The following MYL3 variants were observed in gnomAD, a reference collection of about 807,000 sequenced individuals.
MYL3 encodes the protein myosin light chain 3.
A neutral mutation model predicts 21.3 loss-of-function variants in MYL3; 11 were observed. The ratio of observed to expected loss-of-function variants is 0.52; its 90% confidence interval spans 0.32 to 0.85. The LOEUF (loss-of-function observed/expected upper bound fraction) is 0.85, where lower values mean the gene tolerates loss of function less well. Among genes scored for constraint, MYL3 ranks in the 40% least tolerant of loss-of-function variants. The pLI is 0.03. For synonymous variants in MYL3, 88 were observed against 91.6 expected, an observed-to-expected ratio of 0.96 and a Z score of 0.22; for missense variants, 206 against 253.3, an observed-to-expected ratio of 0.81 and a Z score of 1.27.
At chr3:46,868,279 C>T (rs954673239), upstream of MYL3, among the ~76,000 whole-genome samples, 2 of 152,212 alleles carry the variant, frequency 1.3e-5, no homozygotes, top group East Asian at 3.9e-4. Flanking sequence ...CCACCTGTAC[C>T]ATGGCCATGG....
rs1210373907 is a variant in MYL3 at position 46,863,311 on chromosome 3, G to T, written c.80C>A (p.Pro27His). 1 of 1,614,022 alleles carries T rather than the reference G, an allele frequency of 6.2e-7. No individual in the cohort carries two copies. Among genetic ancestry groups the T allele is most frequent in the South Asian group, 1.1e-5 (1 of 91,074 alleles). The change falls in exon 1 of 7, where the codon CCT (proline) becomes CAT (histidine). Residue 27 changes from proline (P) to histidine (H), a missense_variant. Transcript: ENST00000292327. ...GACCTCCTTAGGGCGCTCAGGCTCA[G>T]GGGGAGGTGCGGGAGCTGGAGCTGC... is the stretch of plus-strand genomic sequence containing the variant. Reference protein sequence around the residue: ...PKAAPAPAPPPEPERPKEVEF... With the variant: ...PKAAPAPAPPHEPERPKEVEF...
chr3:46,859,557 G>A lies in MYL3; in HGVS notation c.399C>T (p.Phe133=), dbSNP rs112992334. The change falls in exon 4 of 7, where the codon TTC becomes TTT. Residue 133 remains phenylalanine (F), a synonymous_variant. Transcript: ENST00000292327. This position sits in a 1 kb window ranked among gnomAD's most constrained non-coding sequence, Gnocchi z 4.1. The stretch of plus-strand genomic sequence containing the variant: ...TGTCGAAGACCCGCAGCCCCTCCAC[G>A]AAGTCCTCATAGGTGCCTGTGTCCT... ...KNKDTGTYED[F]VEGLRVFDKE... The A allele has an allele frequency of 2.2e-5, 36 of 1,614,214 alleles. No individual in the cohort carries two copies. Among genetic ancestry groups the A allele is most frequent in the African/African-American group, 2.0e-4 (15 of 75,054 alleles).
intron 1 of MYL3, among the ~76,000 whole-genome samples, chr3:46,875,141 T>C (rs2030141372): frequency 6.6e-6 from 1 of 152,218 alleles, no homozygotes. Flanking sequence ...CATTGAACAC[T>C]GTTGCTGCCT....
rs1360529164 is a variant in MYL3 at position 46,859,887 on chromosome 3, T to C, written c.308-239A>G. On this transcript the variant is annotated intron_variant, in intron 3 of 6. Transcript: ENST00000292327. The surrounding 1 kb of genome is among the most constrained non-coding windows in gnomAD (Gnocchi z 4.1). ...CCCTTTGCTATTCACAAAGGGAGTT[T>C]GCTGCCCTGAGCCACCACGGAGGGC... Among the ~76,000 whole-genome samples, 2 of 152,200 alleles carry C rather than the reference T, an allele frequency of 1.3e-5. No individual in the cohort carries two copies. Among genetic ancestry groups the C allele is most frequent in the African/African-American group, 4.8e-5 (2 of 41,450 alleles).
At chr3:46,873,684 G>A (rs1168250990) in intron 1 of MYL3, among the ~76,000 whole-genome samples, 3 of 152,180 alleles carry the variant, frequency 2.0e-5, no homozygotes, top group Non-Finnish European at 4.4e-5. Context: ...GTACTGGATG[G>A]CCCTGAGTTC....
At position 46,858,410 on chromosome 3, in the gene MYL3, T is replaced by C. The variant is rs1341736280; in HGVS notation, c.533A>G (p.Asp178Gly). Residue 178 changes from aspartate to glycine, a missense_variant, in exon 5 of 7, where the codon GAC (aspartate) becomes GGC (glycine). By Grantham distance (94) the Asp-to-Gly change is moderately conservative (BLOSUM62 -1). Coordinates refer to ENST00000292327, the MANE Select transcript of MYL3 (RefSeq NM_000258.3). ...TTCATAGTTGATGCAGCCATTGGAG[T>C]CCTCTTGCCCAGCCATCAACTTCTC... Reference protein sequence around the residue: ...EVEKLMAGQEDSNGCINYEAF... With the variant: ...EVEKLMAGQEGSNGCINYEAF... 1 of 1,613,666 alleles carries C rather than the reference T, an allele frequency of 6.2e-7. No individual in the cohort carries two copies. The highest frequency in any genetic ancestry group is 1.6e-4 in the Middle Eastern group (1 of 6,062).
At position 46,861,051 on chromosome 3, in the gene MYL3, G is replaced by C; in HGVS notation, c.130-64C>G. On this transcript the variant is annotated intron_variant, in intron 1 of 6. Coordinates refer to ENST00000292327, the MANE Select transcript of MYL3 (RefSeq NM_000258.3). This position sits in a 1 kb window ranked among gnomAD's most constrained non-coding sequence, Gnocchi z 4.2. ...AAGGTGGGGCCACACCTCCTCCTGG[G>C]CACTCGGTGGCCAGCCCAGAATGTC... 6.4e-7 allele frequency: 1 copy of C among 1,567,924 alleles called. No homozygotes were observed. Among genetic ancestry groups the C allele is most frequent in the Non-Finnish European group, 8.8e-7 (1 of 1,138,902 alleles).
Position 46,859,390 on chromosome 3 carries a change from G to A in MYL3, c.481+85C>T, listed in dbSNP as rs1701965613. On this transcript the variant is annotated intron_variant, in intron 4 of 6. Coordinates refer to ENST00000292327, the MANE Select transcript of MYL3 (RefSeq NM_000258.3). The surrounding 1 kb of genome is among the most constrained non-coding windows in gnomAD (Gnocchi z 4.1). The stretch of plus-strand genomic sequence containing the variant: ...ATGTAACTCTCTCCATTTCACCAAT[G>A]GGTCACAGGCCTGGGGGGCAACAGA... 6.5e-7 allele frequency: 1 copy of A among 1,550,300 alleles called. No individual in the cohort carries two copies. Among genetic ancestry groups the A allele is most frequent in the Non-Finnish European group, 8.9e-7 (1 of 1,126,604 alleles).
At chr3:46,864,408 G>A (rs1293019009), upstream of MYL3, among the ~76,000 whole-genome samples, 1 of 152,014 alleles carries the variant, frequency 6.6e-6, no homozygotes, top group Non-Finnish European at 1.5e-5. The surrounding 1 kb of genome is among the most constrained non-coding windows in gnomAD (Gnocchi z 4.7). Flanking sequence ...GCTGGCCCAG[G>A]GACCAGTTTC....
upstream of MYL3, among the ~76,000 whole-genome samples, chr3:46,866,148 GA>G (rs1482229714): frequency 6.6e-6 from 1 of 152,146 alleles, no homozygotes; most frequent in African/African-American, 2.4e-5. Context: ...TTGGCGGTAA[GA>G]ACAGGCCACA....
In MYL3 at chr3:46,882,159, A is replaced by T. The variant is rs1396874767; in HGVS notation, c.-303T>A. 2 of 145,512 alleles carry T rather than the reference A, an allele frequency of 1.4e-5. No homozygotes were observed. The highest frequency in any genetic ancestry group is 2.5e-5 in the African/African-American group (1 of 39,306). 9.0% of individuals were successfully genotyped at this position (145,512 alleles called of 1,614,324 possible). A position where few individuals can be genotyped will look rare whatever the true frequency, so the allele number is the denominator to read the frequency against. On this transcript the variant is annotated 5_prime_UTR_variant, in exon 1 of 4. Coordinates refer to the MYL3 transcript ENST00000431168. The surrounding 1 kb of genome is among the most constrained non-coding windows in gnomAD (Gnocchi z 4.3). ...GGAAGGCTCCTCTCGGCCTCTCCAC[A>T]CTCCCGCGTCGGCGGCTGCGGAGGG... is the stretch of plus-strand genomic sequence containing the variant.
At chr3:46,864,519 C>A (rs1460369561), upstream of MYL3, among the ~76,000 whole-genome samples, 1 of 152,156 alleles carries the variant, frequency 6.6e-6, no homozygotes, top group Admixed American at 6.5e-5. The surrounding 1 kb of genome is among the most constrained non-coding windows in gnomAD (Gnocchi z 4.7). Context: ...CACCCTCTGC[C>A]CAGAGTGCCC....
Position 46,861,392 on chromosome 3 carries a change from A to G in MYL3, c.130-405T>C, listed in dbSNP as rs978317674. On this transcript the variant is annotated intron_variant, in intron 1 of 6. Coordinates refer to ENST00000292327, the MANE Select transcript of MYL3 (RefSeq NM_000258.3). This position sits in a 1 kb window ranked among gnomAD's most constrained non-coding sequence, Gnocchi z 4.2. ...CCTGGTGGGCAGGACTGTCAGCAAAAGTGAGATGGGAGGGCCCAGGGTGGT... is the reference window on the plus strand; with the variant it reads ...CCTGGTGGGCAGGACTGTCAGCAAAGGTGAGATGGGAGGGCCCAGGGTGGT... Among the ~76,000 whole-genome samples, 2 of 152,186 alleles carry G rather than the reference A, an allele frequency of 1.3e-5. No homozygotes were observed. Among genetic ancestry groups the G allele is most frequent in the African/African-American group, 4.8e-5 (2 of 41,446 alleles).
At chr3:46,866,772 G>C (rs931323665), upstream of MYL3, among the ~76,000 whole-genome samples, 1 of 152,150 alleles carries the variant, frequency 6.6e-6, no homozygotes, top group African/African-American at 2.4e-5. Context: ...GCGGTGCAGA[G>C]GGCACTCTGG....
intron 1 of MYL3, among the ~76,000 whole-genome samples, chr3:46,871,287 C>T (rs895147739): frequency 1.4e-4 from 21 of 152,062 alleles, no homozygotes; most frequent in African/African-American, 4.8e-4. Flanking sequence ...TGTGTCTGGA[C>T]ATTTGGGAGC....
chr3:46,871,915 T>C (rs1285031294), intron 1 of MYL3, among the ~76,000 whole-genome samples: 6 of 152,306 alleles, frequency 3.9e-5, no homozygotes, highest in Admixed American at 3.3e-4. Context: ...CATCCTCCCA[T>C]CCAAAGCTGA....
At chr3:46,877,288 C>T (rs1457283084) in intron 1 of MYL3, among the ~76,000 whole-genome samples, 1 of 152,126 alleles carries the variant, frequency 6.6e-6, no homozygotes, top group East Asian at 1.9e-4. Context: ...GCCTGTGACA[C>T]AGGCAAGAAC....
At chr3:46,866,989 C>T (rs1702052720), upstream of MYL3, among the ~76,000 whole-genome samples, 1 of 152,188 alleles carries the variant, frequency 6.6e-6, no homozygotes, top group African/African-American at 2.4e-5. Flanking sequence ...AACCCAGAAT[C>T]CCAACCCAGA....
rs1419584626 is a variant in MYL3, at chr3:46,879,497, C to T, written c.-218+2577G>A. ...GTGGTTCATGCCTGTAATCCCAGCA[C>T]TTTGGGAGGCCGAGGCAGGAGGACT... On this transcript the variant is annotated intron_variant, in intron 1 of 3. Coordinates refer to the MYL3 transcript ENST00000431168. This position sits in a 1 kb window ranked among gnomAD's most constrained non-coding sequence, Gnocchi z 4.7. Among the ~76,000 whole-genome samples the T allele has an allele frequency of 6.6e-6, 1 of 152,186 alleles. No individual in the cohort carries two copies. Among genetic ancestry groups the T allele is most frequent in the Non-Finnish European group, 1.5e-5 (1 of 68,032 alleles).
Sources: allele counts gnomAD v4.1 joint callset (sites outside exome capture counted in the v4.1 genomes callset), GRCh38; gene constraint gnomAD v4.1.1; non-coding constraint Gnocchi (gnomAD v3.1); transcripts MANE v1.5; gene names NCBI Gene and HGNC (gene_info 2026-07-23, HGNC 2026-07-21).